OTOL1: variants seen among roughly 807,000 people sequenced by gnomAD.
OTOL1 encodes otolin-1.
A neutral mutation model predicts 25.0 loss-of-function variants in OTOL1; 31 were observed. The observed-to-expected ratio is 1.24, with a 90% CI of 0.93 to 1.67. The LOEUF (loss-of-function observed/expected upper bound fraction) is 1.67. Ranked by LOEUF, OTOL1 falls within the 40% of genes most tolerant of loss-of-function variation. The pLI, the probability that OTOL1 is intolerant of heterozygous loss-of-function variation, is 0.00. For synonymous variants in OTOL1, 225 were observed against 210.3 expected, an observed-to-expected ratio of 1.07 and a Z score of -0.61; for missense variants, 654 against 587.7, an observed-to-expected ratio of 1.11 and a Z score of -1.17.
Position 161,503,449 on chromosome 3 carries a change from G to C in OTOL1, c.941G>C (p.Gly314Ala), listed in dbSNP as rs745379054. 1 of 1,613,692 alleles carries C rather than the reference G, an allele frequency of 6.2e-7. No individual in the cohort carries two copies. Among genetic ancestry groups the C allele is most frequent in the South Asian group, 1.1e-5 (1 of 91,052 alleles). ...LGPTGPKGDI[G>A]NKGVRGPTGK... ...CCTACTGGGCCGAAGGGTGACATTG[G>C]CAACAAAGGGGTCCGAGGCCCCACT... The change falls in exon 4 of 4, where the codon GGC (glycine) becomes GCC (alanine). Residue 314 changes from glycine (G) to alanine (A), a missense_variant. By Grantham distance (60) the Gly-to-Ala change is moderately conservative (BLOSUM62 0). Coordinates refer to ENST00000327928, the MANE Select transcript of OTOL1 (RefSeq NM_001080440.1).
chr3:161,499,793 A>G (rs1176705353), intron 2 of OTOL1, among the ~76,000 whole-genome samples: 2 of 152,168 alleles, frequency 1.3e-5, no homozygotes, highest in African/African-American at 4.8e-5. Context: ...GAAGTAATCA[A>G]GCTTATAATA....
chr3:161,500,612 G>C (rs1211635994), intron 2 of OTOL1, among the ~76,000 whole-genome samples: 2 of 152,148 alleles, frequency 1.3e-5, no homozygotes, highest in Non-Finnish European at 2.9e-5. Flanking sequence ...ATCATTACCT[G>C]GTTGAGTAAA....
At chr3:161,499,066 C>A in intron 1 of OTOL1, 105 bp from the exon 2 acceptor site, 1 of 847,196 alleles carries the variant, frequency 1.2e-6, no homozygotes, top group South Asian at 1.6e-5. Flanking sequence ...ACCATTAGGT[C>A]ATTGATACTT....
At chr3:161,499,121 C>G in intron 1 of OTOL1, 50 bp from the exon 2 acceptor site, 1 of 1,432,440 alleles carries the variant, frequency 7.0e-7, no homozygotes, top group Non-Finnish European at 9.6e-7. Flanking sequence ...AACTAATGAA[C>G]TTTAAAAGAG....
At chr3:161,502,157 C>T (rs760744733) in intron 2 of OTOL1, 150 bp from the exon 3 acceptor site, 65 of 697,676 alleles carry the variant, frequency 9.3e-5, no homozygotes, top group South Asian at 3.5e-4. Flanking sequence ...AGTGAGCCGC[C>T]GTGCCTGGCG....
Position 161,503,684 on chromosome 3 carries a change from C to T in OTOL1, c.1176C>T (p.Tyr392=), listed in dbSNP as rs373418758. The part of the protein sequence containing the change: ...CSIPGTYVFS[Y]HITVRGRPAR... ...TTCCTGGGACATATGTTTTTTCCTA[C>T]CATATTACGGTGAGGGGGCGACCTG... The change falls in exon 4 of 4, where the codon TAC becomes TAT. Residue 392 remains tyrosine, a synonymous_variant. Transcript: ENST00000327928. 6 of 1,613,460 alleles carry T rather than the reference C, an allele frequency of 3.7e-6. No individual in the cohort carries two copies. In the African/African-American group the frequency reaches 6.7e-5, roughly 18 times the overall value.
chr3:161,503,910 T>A lies in OTOL1; in HGVS notation c.1402T>A (p.Tyr468Asn), dbSNP rs1719046479. The stretch of plus-strand genomic sequence containing the variant: ...CAGCATTTTTACTGGGTTCCTTTTG[T>A]ACCCAGAGGAAACTTCTGGAATTTC... The part of the protein sequence containing the change: ...DDSIFTGFLL[Y>N]PEETSGISP Residue 468 changes from tyrosine to asparagine, a missense_variant, in exon 4 of 4, where the codon TAC becomes AAC. By Grantham distance (143) the Tyr-to-Asn change is moderately radical. Transcript: ENST00000327928. 6.2e-7 allele frequency: 1 copy of A among 1,612,880 alleles called. No individual in the cohort carries two copies. Among genetic ancestry groups the A allele is most frequent in the Non-Finnish European group, 8.5e-7 (1 of 1,179,460 alleles).
intron 3 of OTOL1, 77 bp from the exon 4 acceptor site, chr3:161,502,949 T>G (rs908201238): frequency 8.7e-7 from 1 of 1,154,658 alleles, no homozygotes; most frequent in Non-Finnish European, 1.1e-6. Context: ...TGTTTCTACT[T>G]TTTTGAGCTC....
chr3:161,500,910 G>A (rs1166126318), intron 2 of OTOL1, among the ~76,000 whole-genome samples: 1 of 152,178 alleles, frequency 6.6e-6, no homozygotes, highest in East Asian at 1.9e-4. Context: ...AAACTGGAGG[G>A]AGTCTATTCT....
At chr3:161,499,055 T>C in intron 1 of OTOL1, 116 bp from the exon 2 acceptor site, 1 of 808,664 alleles carries the variant, frequency 1.2e-6, no homozygotes, top group Non-Finnish European at 2.0e-6. Flanking sequence ...ACTCAGATTT[T>C]ACCATTAGGT....
In OTOL1 at chr3:161,503,936, A is replaced by G. The variant is rs1271223927; in HGVS notation, c.1428A>G (p.Ser476=). Residue 476 remains serine (S), a synonymous_variant, in exon 4 of 4, where the codon TCA becomes TCG. Coordinates refer to ENST00000327928, the MANE Select transcript of OTOL1 (RefSeq NM_001080440.1). ...ACCCAGAGGAAACTTCTGGAATTTC[A>G]CCATAAATTTGTGTCCTGAATCCTG... The part of the protein sequence containing the change: ...LLYPEETSGI[S]P 6.2e-7 allele frequency: 1 copy of G among 1,610,054 alleles called. No homozygotes were observed.
intron 1 of OTOL1, among the ~76,000 whole-genome samples, chr3:161,497,434 A>G (rs1030427891): frequency 2.0e-5 from 3 of 152,256 alleles, no homozygotes; most frequent in East Asian, 3.9e-4. Context: ...CAGCCACTGT[A>G]TTGGGCAGCA....
intron 2 of OTOL1, among the ~76,000 whole-genome samples, chr3:161,501,868 C>A (rs1359066875): frequency 1.3e-5 from 2 of 151,994 alleles, no homozygotes; most frequent in African/African-American, 2.4e-5. Context: ...TTCCTAATGA[C>A]CCTCAATACA....
chr3:161,499,539 A>T (rs1718919878), intron 2 of OTOL1, among the ~76,000 whole-genome samples: 1 of 152,162 alleles, frequency 6.6e-6, no homozygotes, highest in South Asian at 2.1e-4. Flanking sequence ...CCTAGTGACA[A>T]GCAGCCACAG....
At chr3:161,501,395 C>T (rs574859263) in intron 2 of OTOL1, among the ~76,000 whole-genome samples, 16 of 149,932 alleles carry the variant, frequency 1.1e-4, no homozygotes, top group South Asian at 1.1e-3. Flanking sequence ...TTCAGTGTGA[C>T]TGAACTATAA....
At chr3:161,499,726 G>T (rs1242820152) in intron 2 of OTOL1, among the ~76,000 whole-genome samples, 1 of 152,010 alleles carries the variant, frequency 6.6e-6, no homozygotes, top group African/African-American at 2.4e-5. Flanking sequence ...TATATCCCTT[G>T]GCTCACTCTG....
rs781178088 is a variant in OTOL1, at chr3:161,497,154, G to A, written c.347G>A (p.Gly116Glu). ...GTACCCGGGCAGAAAGGAGAACCTG[G>A]AGAGACTGGACAGCCAGGTATTAGA... ...SPVPGQKGEP[G>E]ETGQPGPKGE... is the part of the protein sequence containing the mutation. The change falls in exon 1 of 4, where the codon GGA becomes GAA. Residue 116 changes from glycine (G) to glutamate (E), a missense_variant. Gly to Glu is a moderately conservative substitution (Grantham distance 98, BLOSUM62 -2). Transcript: ENST00000327928. The A allele has an allele frequency of 6.2e-7, 1 of 1,612,028 alleles. No individual in the cohort carries two copies. Among genetic ancestry groups the A allele is most frequent in the Non-Finnish European group, 8.5e-7 (1 of 1,178,906 alleles).
At chr3:161,501,747 T>A (rs1313095937) in intron 2 of OTOL1, among the ~76,000 whole-genome samples, 1 of 151,630 alleles carries the variant, frequency 6.6e-6, no homozygotes, top group East Asian at 1.9e-4. Flanking sequence ...ATGTCATGAG[T>A]TTTATGAGAG....
chr3:161,503,743 A>G lies in OTOL1; in HGVS notation c.1235A>G (p.Gln412Arg), dbSNP rs1719040720. 6.2e-7 allele frequency: 1 copy of G among 1,613,812 alleles called. No homozygotes were observed. Among genetic ancestry groups the G allele is most frequent in the Non-Finnish European group, 8.5e-7 (1 of 1,179,878 alleles). Residue 412 changes from glutamine (Q) to arginine (R), a missense_variant, in exon 4 of 4, where the codon CAG (glutamine) becomes CGG (arginine). Coordinates refer to ENST00000327928, the MANE Select transcript of OTOL1 (RefSeq NM_001080440.1). ...RISLVAQNKK[Q>R]FKSRETLYGQ... ...AGTCTGGTGGCCCAGAATAAGAAGC[A>G]GTTCAAGTCCAGAGAAACTCTCTAT...
Sources: allele counts gnomAD v4.1 joint callset (sites outside exome capture counted in the v4.1 genomes callset), GRCh38; gene constraint gnomAD v4.1.1; transcripts MANE v1.5; gene names NCBI Gene and HGNC (gene_info 2026-07-23, HGNC 2026-07-21).